The following FMNL1 variants were observed in gnomAD, a reference collection of about 807,000 sequenced individuals.
The protein encoded by FMNL1 is formin like 1, also known as formin-like protein 1.
Under a neutral mutation model 121.3 loss-of-function variants are expected in FMNL1, and 43 were observed. The observed-to-expected ratio is 0.35, with a 90% confidence interval of 0.28 to 0.46. FMNL1 has a LOEUF of 0.46. FMNL1 is among the 20% of genes least tolerant of loss of function. FMNL1 has a pLI of 1.00. For synonymous variants in FMNL1, 613 were observed against 613.5 expected, an observed-to-expected ratio of 1.00 and a Z score of 0.01; for missense variants, 1,191 against 1,482.4, an observed-to-expected ratio of 0.80 and a Z score of 3.23.
chr17:45,246,202 C>G lies in FMNL1; in HGVS notation c.3091-8C>G. The G allele has an allele frequency of 1.2e-6, 2 of 1,601,676 alleles. No homozygotes were observed. Among genetic ancestry groups the G allele is most frequent in the Non-Finnish European group, 1.7e-6 (2 of 1,171,254 alleles). On this transcript the variant is annotated splice_region_variant and splice_polypyrimidine_tract_variant and intron_variant, in intron 24 of 26. Coordinates refer to ENST00000331495, the MANE Select transcript of FMNL1 (RefSeq NM_005892.4). ...CATCCTGGAGCTGGAGCTATAAATTCCCCCTAGTCACCGCCAAAGGCCCGG... is the reference window on the plus strand; with the variant it reads ...CATCCTGGAGCTGGAGCTATAAATTGCCCCTAGTCACCGCCAAAGGCCCGG...
intron 1 of FMNL1, among the ~76,000 whole-genome samples, chr17:45,224,606 C>T (rs1241005810): frequency 6.6e-6 from 1 of 152,236 alleles, no homozygotes; most frequent in Non-Finnish European, 1.5e-5. Context: ...CCAAACTCTC[C>T]TTCCTCTCCT....
Position 45,246,583 on chromosome 17 carries a change from A to C in FMNL1, c.3290A>C (p.Glu1097Ala). 1 of 1,607,392 alleles carries C rather than the reference A, an allele frequency of 6.2e-7. No individual in the cohort carries two copies. Among genetic ancestry groups the C allele is most frequent in the Non-Finnish European group, 8.5e-7 (1 of 1,175,414 alleles). The change falls in exon 26 of 27, where the codon GAG (glutamate) becomes GCG (alanine). Residue 1097 changes from glutamate to alanine, a missense_variant. Coordinates refer to ENST00000331495, the MANE Select transcript of FMNL1 (RefSeq NM_005892.4). ...RLLCEASLGE[E>A]MPL is the part of the protein sequence containing the mutation. ...CTCTGTGAGGCCAGCCTGGGAGAAG[A>C]GATGCCCCTCTAGCCCCTCAGGTAC...
Position 45,237,319 on chromosome 17 carries a change from C to G in FMNL1, c.762C>G (p.Val254=). Residue 254 remains valine (V), a synonymous_variant, in exon 8 of 27, where the codon GTC becomes GTG. Coordinates refer to ENST00000331495, the MANE Select transcript of FMNL1 (RefSeq NM_005892.4). The surrounding 1 kb of genome is among the most constrained non-coding windows in gnomAD (Gnocchi z 4.4). The part of the protein sequence containing the change: ...FSLVMNHPAC[V]NEIALSLNNK... The stretch of plus-strand genomic sequence containing the variant: ...TTGTCATGAACCACCCAGCCTGTGT[C>G]AATGAGATTGCTCTGAGCCTCAACA... The G allele has an allele frequency of 6.2e-7, 1 of 1,614,166 alleles. No homozygotes were observed. Among genetic ancestry groups the G allele is most frequent in the Non-Finnish European group, 8.5e-7 (1 of 1,180,022 alleles).
At chr17:45,246,770 A>G (rs1353496216) in intron 26 of FMNL1, 97 bp from the exon 27 acceptor site, 1 of 731,468 alleles carries the variant, frequency 1.4e-6, no homozygotes, top group Non-Finnish European at 2.4e-6. Flanking sequence ...TGTGCACACA[A>G]TCTGAGTCCT....
At position 45,243,406 on chromosome 17, in the gene FMNL1, A is replaced by G; in HGVS notation, c.2213+86A>G. The G allele has an allele frequency of 1.4e-6, 2 of 1,449,610 alleles. 1 individual carries two copies. The highest frequency in any genetic ancestry group is 1.9e-6 in the Non-Finnish European group (2 of 1,060,760). The allele number at this position is 1,449,610 out of a possible 1,614,324, so 89.8% of individuals were successfully genotyped here. ...AGGCAGATCCTAGTAAAAGAGCCTC[A>G]ATGGTGAGCTCTTTCATCAGGCTTC... is the stretch of plus-strand genomic sequence containing the variant. On this transcript the variant is annotated intron_variant, in intron 17 of 26. Transcript: ENST00000331495.
At position 45,247,059 on chromosome 17, in the gene FMNL1, G is replaced by C; in HGVS notation, c.*201G>C. 3 of 632,420 alleles carry C rather than the reference G, an allele frequency of 4.7e-6. No homozygotes were observed. Among genetic ancestry groups the C allele is most frequent in the Non-Finnish European group, 8.7e-6 (3 of 343,670 alleles). The allele number at this position is 632,420 out of a possible 1,614,324, so 39.2% of individuals were successfully genotyped here. On this transcript the variant is annotated 3_prime_UTR_variant, in exon 27 of 27. Transcript: ENST00000331495. ...AGGTGGTCCTCAGCTCGGCTGGCCGGGCAGCCCCTCCTCCGCTGTGGCCCG... is the reference window on the plus strand; with the variant it reads ...AGGTGGTCCTCAGCTCGGCTGGCCGCGCAGCCCCTCCTCCGCTGTGGCCCG...
intron 17 of FMNL1, among the ~76,000 whole-genome samples, 195 bp downstream of exon 17, chr17:45,243,515 C>A (rs1401024065): frequency 2.0e-5 from 3 of 152,228 alleles, no homozygotes; most frequent in Non-Finnish European, 2.9e-5. Context: ...GTCCCACTTC[C>A]TCCCTGCCTC....
Position 45,246,265 on chromosome 17 carries a change from G to A in FMNL1, c.3146G>A (p.Arg1049Lys), listed in dbSNP as rs773117099. 6.2e-7 allele frequency: 1 copy of A among 1,614,048 alleles called. No homozygotes were observed. Among genetic ancestry groups the A allele is most frequent in the South Asian group, 1.1e-5 (1 of 91,088 alleles). The change falls in exon 25 of 27, where the codon AGG becomes AAG. Residue 1049 changes from arginine (R) to lysine (K), a missense_variant. Physicochemically the swap from Arg to Lys is conservative, Grantham distance 26. Coordinates refer to ENST00000331495, the MANE Select transcript of FMNL1 (RefSeq NM_005892.4). ...GACCTCATCTCTGAGCTGAAACGGA[G>A]GCAGCAGAAGGAGCCACTCATTTAT... ...QMDLISELKR[R>K]QQKEPLIYES...
chr17:45,235,056 G>A (rs563180632), intron 6 of FMNL1, among the ~76,000 whole-genome samples: 2 of 152,302 alleles, frequency 1.3e-5, no homozygotes, highest in Non-Finnish European at 2.9e-5. Flanking sequence ...TCCTGCTTTG[G>A]GTCTAGAGGA....
At chr17:45,246,035 C>T (rs770166886) in intron 24 of FMNL1, 62 bp downstream of exon 24, 1 of 1,515,460 alleles carries the variant, frequency 6.6e-7, no homozygotes, top group South Asian at 1.3e-5. Context: ...TCATCACCCT[C>T]TGGTGCCACC....
Position 45,237,135 on chromosome 17 carries a change from C to A in FMNL1, c.724-146C>A. 1 of 662,352 alleles carries A rather than the reference C, an allele frequency of 1.5e-6. No homozygotes were observed. The highest frequency in any genetic ancestry group is 2.5e-6 in the Non-Finnish European group (1 of 393,006). The allele number at this position is 662,352 out of a possible 1,614,324, so 41.0% of individuals were successfully genotyped here. ...TCCATCTTGAAAAAAAAAATAGAAA[C>A]AAGGCCAGGTTTTGGTGGCCACAGA... On this transcript the variant is annotated intron_variant, in intron 7 of 26. Coordinates refer to ENST00000331495, the MANE Select transcript of FMNL1 (RefSeq NM_005892.4). The surrounding 1 kb of genome is among the most constrained non-coding windows in gnomAD (Gnocchi z 4.4).
rs1050891326 is a variant in FMNL1, at chr17:45,226,597, G to A, written c.130-4007G>A. ...GTCTCAGTTTCCCATTTGTGAAATA[G>A]GGATTATAACAGTATCTATTTTGTA... On this transcript the variant is annotated intron_variant, in intron 1 of 26. Coordinates refer to ENST00000331495, the MANE Select transcript of FMNL1 (RefSeq NM_005892.4). Among the ~76,000 whole-genome samples, 3 of 152,214 alleles carry A rather than the reference G, an allele frequency of 2.0e-5. No homozygotes were observed. In the East Asian group the frequency reaches 5.8e-4, roughly 29 times the overall value.
At chr17:45,230,089 C>G (rs1464387082) in intron 1 of FMNL1, among the ~76,000 whole-genome samples, 1 of 152,192 alleles carries the variant, frequency 6.6e-6, no homozygotes, top group Admixed American at 6.5e-5. Context: ...TCCTGGTGTT[C>G]GTGAGGCACT....
At position 45,244,183 on chromosome 17, in the gene FMNL1, A is replaced by G. The variant is rs751528209; in HGVS notation, c.2456A>G (p.Asn819Ser). ...DTAQLLMPQL[N>S]AIIAASMSIK... The stretch of plus-strand genomic sequence containing the variant: ...CCCCCATCCCACCCCCAGCAACTGA[A>G]TGCCATCATTGCAGCCTCAATGTCC... The change falls in exon 19 of 27, where the codon AAT becomes AGT. Residue 819 changes from asparagine to serine, a missense_variant. Coordinates refer to ENST00000331495, the MANE Select transcript of FMNL1 (RefSeq NM_005892.4). 2.5e-6 allele frequency: 4 copies of G among 1,613,134 alleles called. No individual in the cohort carries two copies. Among genetic ancestry groups the G allele is most frequent in the Non-Finnish European group, 3.4e-6 (4 of 1,179,706 alleles).
Position 45,222,192 on chromosome 17 carries a change from C to A in FMNL1, c.68C>A (p.Ala23Glu). 1 of 1,251,266 alleles carries A rather than the reference C, an allele frequency of 8.0e-7. No individual in the cohort carries two copies. The highest frequency in any genetic ancestry group is 3.6e-5 in the East Asian group (1 of 27,586). The allele number at this position is 1,251,266 out of a possible 1,614,324, so 77.5% of individuals were successfully genotyped here. A position where few individuals can be genotyped will look rare whatever the true frequency, so the allele number is the denominator to read the frequency against. Residue 23 changes from alanine to glutamate, a missense_variant, in exon 1 of 27, where the codon GCG (alanine) becomes GAG (glutamate). Physicochemically the swap from Ala to Glu is moderately radical, Grantham distance 107. Coordinates refer to ENST00000331495, the MANE Select transcript of FMNL1 (RefSeq NM_005892.4). ...GPAAPPPKQP[A>E]PPKQPMPAAG... is the part of the protein sequence containing the mutation. ...GCCGCGCCGCCCCCCAAGCAGCCCG[C>A]GCCTCCCAAGCAGCCGATGCCCGCG...
Position 45,238,558 on chromosome 17 carries a change from A to C in FMNL1, c.895-6A>C. ...GGCCTCAGTGAGAGCCATTCCCCTT[A>C]CCCAGGTGTGTGGGGAGCAGCACCG... is the stretch of plus-strand genomic sequence containing the variant. On this transcript the variant is annotated splice_region_variant and splice_polypyrimidine_tract_variant and intron_variant, in intron 9 of 26. Coordinates refer to ENST00000331495, the MANE Select transcript of FMNL1 (RefSeq NM_005892.4). 1.2e-6 allele frequency: 2 copies of C among 1,614,084 alleles called. No homozygotes were observed. The highest frequency in any genetic ancestry group is 1.7e-6 in the Non-Finnish European group (2 of 1,179,958).
At position 45,233,834 on chromosome 17, in the gene FMNL1, G is replaced by A. The variant is rs1020777658; in HGVS notation, c.485+103G>A. 12 of 1,479,474 alleles carry A rather than the reference G, an allele frequency of 8.1e-6. No individual in the cohort carries two copies. Among genetic ancestry groups the A allele is most frequent in the African/African-American group, 2.8e-5 (2 of 71,866 alleles). The allele number at this position is 1,479,474 out of a possible 1,614,324, so 91.6% of individuals were successfully genotyped here. On this transcript the variant is annotated intron_variant, in intron 5 of 26. Transcript: ENST00000331495. The surrounding 1 kb of genome is among the most constrained non-coding windows in gnomAD (Gnocchi z 4.1). ...TGGCCAGTTTCAAGCCAGGCAGCCC[G>A]AGCCTACCCTGGAACCCTCCACTTG... is the stretch of plus-strand genomic sequence containing the variant.
rs2043762711 is a variant in FMNL1, at chr17:45,243,771, C to T, written c.2214-20C>T. On this transcript the variant is annotated intron_variant, in intron 17 of 26. Transcript: ENST00000331495. ...GTGGGTATGGATGATGCCCAATCTCCCCTCTCCTCCCTCTCACAGGTACGA... is the reference window on the plus strand; with the variant it reads ...GTGGGTATGGATGATGCCCAATCTCTCCTCTCCTCCCTCTCACAGGTACGA... The T allele has an allele frequency of 1.3e-6, 2 of 1,599,554 alleles. No homozygotes were observed. Among genetic ancestry groups the T allele is most frequent in the Admixed American group, 1.7e-5 (1 of 59,690 alleles).
At chr17:45,232,981 A>G (rs1219486521) in intron 3 of FMNL1, 2 of 625,886 alleles carry the variant, frequency 3.2e-6, no homozygotes, top group Admixed American at 2.1e-5. Context: ...GCATGTGTAT[A>G]CCTTGTGTGC....
Sources: gnomAD v4.1 joint callset for allele counts (sites outside exome capture counted in the v4.1 genomes callset) on GRCh38, gnomAD v4.1.1 for gene constraint, Gnocchi (gnomAD v3.1) non-coding constraint, MANE v1.5 for transcripts, NCBI Gene and HGNC (gene_info 2026-07-23, HGNC 2026-07-21) for gene names.